AKT2: variants seen among roughly 807,000 people sequenced by gnomAD.
AKT2 encodes the protein AKT serine/threonine kinase 2.
A neutral mutation model predicts 58.6 loss-of-function variants in AKT2; 16 were observed. The observed-to-expected ratio is 0.27, with a 90% CI of 0.18 to 0.41. The LOEUF (loss-of-function observed/expected upper bound fraction) is 0.41. Ranked by LOEUF, AKT2 falls within the 10% of genes least tolerant of loss-of-function variation. AKT2 has a pLI of 1.00. For missense variants in AKT2, 438 were observed against 661.0 expected, an observed-to-expected ratio of 0.66 and a Z score of 3.70; for synonymous variants, 253 against 254.0, an observed-to-expected ratio of 1.00 and a Z score of 0.04.
chr19:40,255,986 C>T (rs1034724945), intron 3 of AKT2, among the ~76,000 whole-genome samples: 19 of 152,282 alleles, frequency 1.2e-4, no homozygotes, highest in Admixed American at 7.2e-4. Context: ...GGGAAGAGGG[C>T]ACTGAGGACC....
At position 40,233,676 on chromosome 19, in the gene AKT2, G is replaced by A. The variant is rs1474034836; in HGVS notation, c.*196C>T. 1.3e-6 allele frequency: 1 copy of A among 766,234 alleles called. No homozygotes were observed. Among genetic ancestry groups the A allele is most frequent in the African/African-American group, 1.7e-5 (1 of 59,186 alleles). 47.5% of individuals were successfully genotyped at this position (766,234 alleles called of 1,614,324 possible). ...TTCCAAATGCGAGTCTGGGCACAAAGGTGAGGCTGGAGGCTGGAGGCAGGG... is the reference window on the plus strand; with the variant it reads ...TTCCAAATGCGAGTCTGGGCACAAAAGTGAGGCTGGAGGCTGGAGGCAGGG... On this transcript the variant is annotated 3_prime_UTR_variant, in exon 14 of 14. Coordinates refer to ENST00000392038, the MANE Select transcript of AKT2 (RefSeq NM_001626.6). This position sits in a 1 kb window ranked among gnomAD's most constrained non-coding sequence, Gnocchi z 4.3.
intron 1 of AKT2, among the ~76,000 whole-genome samples, chr19:40,276,974 G>C (rs965655582): frequency 6.6e-6 from 1 of 152,220 alleles, no homozygotes; most frequent in Non-Finnish European, 1.5e-5. Flanking sequence ...AATCAGCCAT[G>C]ATGGTGCCAC....
In AKT2 at chr19:40,272,797, A is replaced by G. The variant is rs557649033; in HGVS notation, c.-84-7446T>C. ...AATACGCCACACTAAGAGGCAGGAG[A>G]GTGGGTGCGGGAGGCAAGGCAGCCT... On this transcript the variant is annotated intron_variant, in intron 1 of 13. Coordinates refer to ENST00000392038, the MANE Select transcript of AKT2 (RefSeq NM_001626.6). 2.0e-5 allele frequency among the ~76,000 whole-genome samples: 3 copies of G among 152,330 alleles called. 1 individual carries two copies. Among genetic ancestry groups the G allele is most frequent in the African/African-American group, 7.2e-5 (3 of 41,576 alleles).
chr19:40,282,026 C>G (rs1363854785), intron 1 of AKT2, among the ~76,000 whole-genome samples: 1 of 152,154 alleles, frequency 6.6e-6, no homozygotes, highest in Non-Finnish European at 1.5e-5. Context: ...TGGATTTGAA[C>G]CCTGTGCTCT....
At chr19:40,244,074 T>TAA (rs1974587598) in intron 4 of AKT2, 2 of 146,940 alleles carry the variant, frequency 1.4e-5, no homozygotes, top group African/African-American at 5.0e-5. Flanking sequence ...ATAATAATAA[T>TAA]AATAATAATA....
chr19:40,271,148 T>G (rs969151771), intron 1 of AKT2, among the ~76,000 whole-genome samples: 1 of 146,362 alleles, frequency 6.8e-6, no homozygotes, highest in Non-Finnish European at 1.5e-5. Context: ...GAGACCAGCC[T>G]GAGCAACATG....
intron 2 of AKT2, among the ~76,000 whole-genome samples, 177 bp from the exon 3 acceptor site, chr19:40,257,231 C>T (rs867368877): frequency 1.3e-5 from 2 of 152,186 alleles, no homozygotes; most frequent in Non-Finnish European, 1.5e-5. Context: ...CCCCTGCTGA[C>T]GCAGGCTGGG....
intron 7 of AKT2, chr19:40,239,737 C>T: frequency 3.5e-6 from 2 of 565,424 alleles, no homozygotes; most frequent in Non-Finnish European, 6.5e-6. Context: ...GTTTCCACTT[C>T]AACCAGCTGG....
chr19:40,242,800 A>G lies in AKT2; in HGVS notation c.288-113T>C. ...GCAACAGGCAAGCAAATGACCACAT[A>G]ACCATGGGAATTTGGGCAAGATCTG... On this transcript the variant is annotated intron_variant, in intron 4 of 13. Transcript: ENST00000392038. The surrounding 1 kb of genome is among the most constrained non-coding windows in gnomAD (Gnocchi z 4.3). The G allele has an allele frequency of 8.1e-7, 1 of 1,227,746 alleles. No homozygotes were observed. Among genetic ancestry groups the G allele is most frequent in the South Asian group, 1.3e-5 (1 of 78,002 alleles). The allele number at this position is 1,227,746 out of a possible 1,614,324, so 76.1% of individuals were successfully genotyped here. A position where few individuals can be genotyped will look rare whatever the true frequency, so the allele number is the denominator to read the frequency against.
intron 6 of AKT2, 24 bp downstream of exon 6, chr19:40,241,914 G>A (rs375391920): frequency 3.0e-5 from 48 of 1,612,966 alleles, no homozygotes; most frequent in East Asian, 4.5e-5. Context: ...AGAGGCTCGC[G>A]AGCGCAATTC....
chr19:40,278,363 C>T (rs1316614035), intron 1 of AKT2, among the ~76,000 whole-genome samples: 1 of 152,160 alleles, frequency 6.6e-6, no homozygotes, highest in Non-Finnish European at 1.5e-5. Context: ...TGAGTGAGAG[C>T]AGACACCTTA....
At chr19:40,270,955 G>A (rs966948259) in intron 1 of AKT2, among the ~76,000 whole-genome samples, 1 of 151,800 alleles carries the variant, frequency 6.6e-6, no homozygotes, top group African/African-American at 2.4e-5. Flanking sequence ...TGAGGCTGCA[G>A]TGAGCTATGA....
In AKT2 at chr19:40,233,851, T is replaced by C; in HGVS notation, c.*21A>G. On this transcript the variant is annotated 3_prime_UTR_variant, in exon 14 of 14. Coordinates refer to ENST00000392038, the MANE Select transcript of AKT2 (RefSeq NM_001626.6). This position sits in a 1 kb window ranked among gnomAD's most constrained non-coding sequence, Gnocchi z 4.3. Reference sequence around the variant, plus strand: ...CAGCGGTGATGGCAGCGAGCGTGCGTCCTCTGCGTGGGCAGACTGCTCACT... The same window carrying C: ...CAGCGGTGATGGCAGCGAGCGTGCGCCCTCTGCGTGGGCAGACTGCTCACT... The C allele has an allele frequency of 4.4e-6, 7 of 1,608,208 alleles. No individual in the cohort carries two copies. The highest frequency in any genetic ancestry group is 5.9e-6 in the Non-Finnish European group (7 of 1,179,258).
chr19:40,257,584 C>A (rs1975628143), intron 2 of AKT2, among the ~76,000 whole-genome samples: 1 of 98,572 alleles, frequency 1.0e-5, no homozygotes, highest in Admixed American at 1.1e-4. Flanking sequence ...CCTATGCACA[C>A]AAACACACAC....
At position 40,257,069 on chromosome 19, in the gene AKT2, GA is replaced by G; in HGVS notation, c.47-16del. The G allele has an allele frequency of 1.9e-6, 3 of 1,613,860 alleles. No individual in the cohort carries two copies. The highest frequency in any genetic ancestry group is 2.5e-6 in the Non-Finnish European group (3 of 1,179,852). ...GATGTATTCACCTGAAATGAGGCAG[GA>G]AGGGAGGGAGAGAGGTTAGGACAAG... On this transcript the variant is annotated splice_polypyrimidine_tract_variant and intron_variant, in intron 2 of 13. Transcript: ENST00000392038.
rs548512206 is a variant in AKT2, at chr19:40,250,776, C to A, written c.287+4382G>T. ...CCGGGAGATTGAGGCTGCAGTGAGT[C>A]GTGATTCTGCCACTGCACTGCAGCC... On this transcript the variant is annotated intron_variant, in intron 4 of 13. Coordinates refer to ENST00000392038, the MANE Select transcript of AKT2 (RefSeq NM_001626.6). Among the ~76,000 whole-genome samples, 11 of 152,036 alleles carry A rather than the reference C, an allele frequency of 7.2e-5. No individual in the cohort carries two copies. The East Asian group carries it at 2.1e-3, about 29-fold the overall frequency.
At chr19:40,275,258 C>T (rs2077291489) in intron 1 of AKT2, 1 of 456,756 alleles carries the variant, frequency 2.2e-6, no homozygotes, top group Non-Finnish European at 4.4e-6. Flanking sequence ...CCCTTCCTTA[C>T]CGCCCCTGAT....
rs771824312 is a variant in AKT2 at position 40,233,722 on chromosome 19, G to A, written c.*150C>T. 6.1e-6 allele frequency: 5 copies of A among 820,170 alleles called. No homozygotes were observed. Among genetic ancestry groups the A allele is most frequent in the Admixed American group, 3.6e-5 (2 of 55,436 alleles). 50.8% of individuals were successfully genotyped at this position (820,170 alleles called of 1,614,324 possible). ...CAGGGGCTGCAGGGGCCGCTGGGGT[G>A]CGTCTGGGAGGGGCCTGAAGAAGAA... On this transcript the variant is annotated 3_prime_UTR_variant, in exon 14 of 14. Coordinates refer to ENST00000392038, the MANE Select transcript of AKT2 (RefSeq NM_001626.6). This position sits in a 1 kb window ranked among gnomAD's most constrained non-coding sequence, Gnocchi z 4.3.
At chr19:40,236,703 T>G (rs1974054799) in intron 9 of AKT2, 1 of 393,480 alleles carries the variant, frequency 2.5e-6, no homozygotes, top group African/African-American at 2.1e-5. Flanking sequence ...CTTCTATTCT[T>G]TTTTTCTAGA....
Sources: allele counts gnomAD v4.1 joint callset (sites outside exome capture counted in the v4.1 genomes callset), GRCh38; gene constraint gnomAD v4.1.1; non-coding constraint Gnocchi (gnomAD v3.1); transcripts MANE v1.5; gene names NCBI Gene and HGNC (gene_info 2026-07-23, HGNC 2026-07-21).